Variants in GALNT13 observed in about 807,000 individuals in gnomAD.
The protein encoded by GALNT13 is UDP-GalNAc:polypeptide N-acetylgalactosaminyltransferase 13.
GALNT13 carries 28 observed loss-of-function variants against 64.2 expected under a neutral mutation model. That is an observed-to-expected ratio of 0.44 (90% CI 0.32 to 0.60). GALNT13 has a LOEUF of 0.60. Among genes scored for constraint, GALNT13 ranks in the 20% least tolerant of loss-of-function variants. The probability of loss-of-function intolerance (pLI) is 0.05; values close to 1 mark genes in which losing one functional copy is unlikely to be tolerated. For synonymous variants in GALNT13, 214 were observed against 224.6 expected, an observed-to-expected ratio of 0.95 and a Z score of 0.42; for missense variants, 577 against 669.8, an observed-to-expected ratio of 0.86 and a Z score of 1.53.
intron 9 of GALNT13, among the ~76,000 whole-genome samples, chr2:154,351,254 A>T (rs114767433): frequency 1.8e-4 from 28 of 152,260 alleles, no homozygotes; most frequent in African/African-American, 6.3e-4. Context: ...GCTTGATTTT[A>T]TTATGTTGAA....
the GALNT13 span, among the ~76,000 whole-genome samples, chr2:153,554,477 T>C: frequency 2.0e-5 from 3 of 152,234 alleles, no homozygotes; most frequent in Non-Finnish European, 4.4e-5. Flanking sequence ...GATTGTGTCA[T>C]GCAGTTTCAT....
chr2:154,233,797 G>A (rs556773172), intron 4 of GALNT13, among the ~76,000 whole-genome samples: 29 of 152,252 alleles, frequency 1.9e-4, no homozygotes, highest in African/African-American at 6.3e-4. Context: ...AGTGGTCGGG[G>A]ACGGTCCCAG....
chr2:153,635,060 TAAC>T, the GALNT13 span, among the ~76,000 whole-genome samples: 2 of 152,176 alleles, frequency 1.3e-5, no homozygotes, highest in Admixed American at 1.3e-4. Flanking sequence ...GTGGAACTGA[TAAC>T]TACTTTAGAG....
At chr2:153,859,187 T>C in the GALNT13 span, among the ~76,000 whole-genome samples, 1 of 152,240 alleles carries the variant, frequency 6.6e-6, no homozygotes, top group Non-Finnish European at 1.5e-5. Flanking sequence ...TTAGCTTCTT[T>C]TGCATTTGGC....
chr2:154,344,100 G>C (rs1574124410), intron 9 of GALNT13, among the ~76,000 whole-genome samples: 2 of 151,956 alleles, frequency 1.3e-5, no homozygotes, highest in South Asian at 4.1e-4. Flanking sequence ...TATGTATTCT[G>C]TCTCTATGAT....
At chr2:153,460,296 T>C in the GALNT13 span, among the ~76,000 whole-genome samples, 2 of 152,174 alleles carry the variant, frequency 1.3e-5, no homozygotes, top group Non-Finnish European at 2.9e-5. Context: ...GTCACCTGTA[T>C]GTTATGTAAC....
chr2:153,247,590 A>G, the GALNT13 span, among the ~76,000 whole-genome samples: 2 of 152,198 alleles, frequency 1.3e-5, no homozygotes, highest in African/African-American at 4.8e-5. Flanking sequence ...AATTTATAGC[A>G]CTAAATGCCC....
At chr2:154,391,470 T>C (rs1698788691) in intron 9 of GALNT13, among the ~76,000 whole-genome samples, 1 of 152,132 alleles carries the variant, frequency 6.6e-6, no homozygotes, top group African/African-American at 2.4e-5. Context: ...CTAGATTTTC[T>C]GGTGATGTGC....
At chr2:154,180,760 T>G (rs949321142) in intron 4 of GALNT13, among the ~76,000 whole-genome samples, 2 of 152,302 alleles carry the variant, frequency 1.3e-5, no homozygotes, top group Non-Finnish European at 2.9e-5. Context: ...TTTATTTTTA[T>G]TTTTTCCTAA....
intron 3 of GALNT13, among the ~76,000 whole-genome samples, chr2:154,075,035 G>A (rs996646418): frequency 3.3e-5 from 5 of 151,784 alleles, no homozygotes; most frequent in Non-Finnish European, 7.4e-5. Flanking sequence ...ACATAGTACT[G>A]GAGATCCTAG....
At chr2:153,492,654 T>C in the GALNT13 span, among the ~76,000 whole-genome samples, 3 of 152,142 alleles carry the variant, frequency 2.0e-5, no homozygotes, top group Non-Finnish European at 4.4e-5. Flanking sequence ...AAAGTGCAGA[T>C]AGGAACAGAG....
chr2:153,966,961 A>C (rs1407587706), intron 3 of GALNT13, among the ~76,000 whole-genome samples: 1 of 152,026 alleles, frequency 6.6e-6, no homozygotes, highest in Non-Finnish European at 1.5e-5. Context: ...CATACAGTCT[A>C]TCTTCAAGTT....
At chr2:154,376,195 G>A (rs901554820) in intron 9 of GALNT13, among the ~76,000 whole-genome samples, 1 of 152,114 alleles carries the variant, frequency 6.6e-6, no homozygotes, top group Non-Finnish European at 1.5e-5. Context: ...AGAATGGGGT[G>A]TTTCAGTCAC....
chr2:153,373,537 C>A, the GALNT13 span, among the ~76,000 whole-genome samples: 1 of 152,120 alleles, frequency 6.6e-6, no homozygotes, highest in Non-Finnish European at 1.5e-5. Context: ...AATCTATAAA[C>A]CAGTTTTTAG....
chr2:154,002,363 T>C (rs1695970169), intron 3 of GALNT13, among the ~76,000 whole-genome samples: 1 of 151,970 alleles, frequency 6.6e-6, no homozygotes. Flanking sequence ...TGGTCTTTCT[T>C]TTCCTCTTCT....
chr2:153,868,802 T>C (rs186399878), upstream of GALNT13, among the ~76,000 whole-genome samples: 307 of 152,324 alleles, frequency 2.0e-3, no homozygotes, highest in South Asian at 0.016. Flanking sequence ...TTGTACAGTA[T>C]TGGTCTTACC....
chr2:153,187,037 G>A, the GALNT13 span, among the ~76,000 whole-genome samples: 2 of 152,114 alleles, frequency 1.3e-5, no homozygotes, highest in African/African-American at 4.8e-5. Flanking sequence ...AGAATTAGTA[G>A]AAAATATGAA....
chr2:153,523,915 G>C, the GALNT13 span, among the ~76,000 whole-genome samples: 1 of 152,132 alleles, frequency 6.6e-6, no homozygotes, highest in African/African-American at 2.4e-5. Flanking sequence ...TATTAAGTAT[G>C]ATGTTAGCTG....
chr2:154,362,092 G>A (rs1419643955), intron 9 of GALNT13, among the ~76,000 whole-genome samples: 2 of 144,430 alleles, frequency 1.4e-5, no homozygotes, highest in African/African-American at 5.1e-5. Flanking sequence ...GAGTAAAGAA[G>A]GCAATGAAGA....
Sources: allele counts gnomAD v4.1 joint callset (sites outside exome capture counted in the v4.1 genomes callset), GRCh38; gene constraint gnomAD v4.1.1; transcripts MANE v1.5; gene names NCBI Gene and HGNC (gene_info 2026-07-23, HGNC 2026-07-21).